The following AGMO variants were observed in gnomAD, a reference collection of about 807,000 sequenced individuals.
The protein encoded by AGMO is alkylglycerol monooxygenase.
Under a neutral mutation model 60.2 loss-of-function variants are expected in AGMO, and 75 were observed. The ratio of observed to expected loss-of-function variants is 1.25; its 90% CI spans 1.03 to 1.51. The LOEUF is 1.51. AGMO is among the 40% of genes most tolerant of loss of function. The probability of loss-of-function intolerance (pLI) is 0.00; values close to 1 mark genes in which losing one functional copy is unlikely to be tolerated. For synonymous variants in AGMO, 261 were observed against 177.1 expected, an observed-to-expected ratio of 1.47 and a Z score of -3.76; for missense variants, 763 against 525.5, an observed-to-expected ratio of 1.45 and a Z score of -4.42.
intron 12 of AGMO, among the ~76,000 whole-genome samples, chr7:15,322,076 T>C (rs1236273905): frequency 1.3e-5 from 2 of 151,980 alleles, no homozygotes; most frequent in Admixed American, 1.3e-4. Context: ...GAGTCTGAGG[T>C]AGCAGAATTG....
intron 3 of AGMO, among the ~76,000 whole-genome samples, chr7:15,530,819 A>T (rs1164444161): frequency 3.3e-5 from 3 of 91,350 alleles, no homozygotes; most frequent in African/African-American, 1.4e-4. Context: ...CTATATATAC[A>T]TTTCTATATA....
chr7:15,137,803 G>C, the AGMO span, among the ~76,000 whole-genome samples: 11 of 152,116 alleles, frequency 7.2e-5, no homozygotes, highest in African/African-American at 2.7e-4. Flanking sequence ...GGAGTGAAAT[G>C]ACTAAAAGTA....
chr7:15,546,328 C>T (rs1303074107), intron 2 of AGMO, among the ~76,000 whole-genome samples: 1 of 152,158 alleles, frequency 6.6e-6, no homozygotes, highest in Admixed American at 6.6e-5. Flanking sequence ...AACTCAATCT[C>T]CAATTTGAGA....
intron 12 of AGMO, among the ~76,000 whole-genome samples, chr7:15,223,757 A>C (rs911632808): frequency 2.0e-5 from 3 of 151,912 alleles, no homozygotes; most frequent in African/African-American, 7.2e-5. Context: ...TACCTGCCCC[A>C]TCCATTTAAA....
chr7:15,255,197 G>A (rs1234297960), intron 12 of AGMO, among the ~76,000 whole-genome samples: 7 of 152,014 alleles, frequency 4.6e-5, no homozygotes, highest in Admixed American at 4.6e-4. Flanking sequence ...ATCACACATT[G>A]GAGCCTGTCC....
intron 8 of AGMO, among the ~76,000 whole-genome samples, chr7:15,387,904 C>CT (rs11437914): frequency 0.6 from 83,070 of 137,458 alleles, 25,453 homozygotes; most frequent in Non-Finnish European, 0.68. Context: ...GACACATTCT[C>CT]TTTTTTTTTT....
intron 5 of AGMO, among the ~76,000 whole-genome samples, chr7:15,413,880 C>T (rs1031594195): frequency 2.6e-5 from 4 of 151,934 alleles, no homozygotes; most frequent in Admixed American, 6.6e-5. Flanking sequence ...AGAATGAAGA[C>T]GATTAGAAGG....
the AGMO span, among the ~76,000 whole-genome samples, chr7:15,187,851 G>A: frequency 1.3e-5 from 2 of 151,678 alleles, no homozygotes; most frequent in South Asian, 4.2e-4. Flanking sequence ...GGTGTTTAAA[G>A]TTACTCCCCA....
At chr7:15,235,299 A>G (rs1208303621) in intron 12 of AGMO, among the ~76,000 whole-genome samples, 1 of 152,058 alleles carries the variant, frequency 6.6e-6, no homozygotes, top group African/African-American at 2.4e-5. Flanking sequence ...GAAGACAAAG[A>G]CCTTGTTTGT....
At chr7:15,155,755 T>A in the AGMO span, among the ~76,000 whole-genome samples, 6 of 152,188 alleles carry the variant, frequency 3.9e-5, no homozygotes, top group Non-Finnish European at 8.8e-5. Context: ...TTCTCATCTG[T>A]GTGGGCCGAT....
At chr7:15,117,830 G>A in the AGMO span, among the ~76,000 whole-genome samples, 1 of 151,974 alleles carries the variant, frequency 6.6e-6, no homozygotes, top group Non-Finnish European at 1.5e-5. Context: ...GGGTACAGGA[G>A]AGGAGAATCT....
chr7:15,297,040 G>A (rs1306945539), intron 12 of AGMO, among the ~76,000 whole-genome samples: 1 of 149,042 alleles, frequency 6.7e-6, no homozygotes, highest in African/African-American at 2.5e-5. Flanking sequence ...ATACCACCTA[G>A]CCATCTCTCT....
chr7:15,377,285 G>A (rs1226186890), intron 10 of AGMO, among the ~76,000 whole-genome samples: 3 of 152,076 alleles, frequency 2.0e-5, no homozygotes, highest in African/African-American at 7.2e-5. Context: ...ATTAATTTGT[G>A]TCAGGAATGA....
At chr7:15,555,304 C>T (rs972470223) in intron 2 of AGMO, among the ~76,000 whole-genome samples, 11,937 of 133,372 alleles carry the variant, frequency 0.09, 1,764 homozygotes, top group African/African-American at 0.34. Context: ...CACACACACA[C>T]ACACACACAC....
At chr7:15,533,777 G>A (rs111795648) in intron 3 of AGMO, among the ~76,000 whole-genome samples, 18 of 152,258 alleles carry the variant, frequency 1.2e-4, no homozygotes, top group African/African-American at 4.3e-4. Flanking sequence ...CACATCTGGT[G>A]TATTTTTCCG....
At chr7:15,387,761 A>G (rs1270955973) in intron 8 of AGMO, among the ~76,000 whole-genome samples, 1 of 152,214 alleles carries the variant, frequency 6.6e-6, no homozygotes, top group Admixed American at 6.5e-5. Flanking sequence ...AAAGTTCAAT[A>G]AAATTATAAT....
intron 12 of AGMO, among the ~76,000 whole-genome samples, chr7:15,258,919 G>C (rs944899940): frequency 4.6e-5 from 7 of 152,074 alleles, no homozygotes; most frequent in African/African-American, 1.7e-4. Flanking sequence ...AAAAGAATCT[G>C]AACAGCAGTC....
At chr7:15,459,157 A>G (rs536121856) in intron 3 of AGMO, among the ~76,000 whole-genome samples, 19 of 152,308 alleles carry the variant, frequency 1.2e-4, no homozygotes, top group Non-Finnish European at 1.6e-4. Context: ...TAGTAGTTCA[A>G]GCTGTGTCTA....
the AGMO span, among the ~76,000 whole-genome samples, chr7:15,190,219 A>T: frequency 1.7e-4 from 1 of 5,794 alleles, no homozygotes; most frequent in Non-Finnish European, 5.3e-4. Context: ...ATATATATAT[A>T]TATATATATA....
Sources: gnomAD v4.1 joint callset for allele counts (sites outside exome capture counted in the v4.1 genomes callset) on GRCh38, gnomAD v4.1.1 for gene constraint, MANE v1.5 for transcripts, NCBI Gene and HGNC (gene_info 2026-07-23, HGNC 2026-07-21) for gene names.